Variants in USP15 observed in about 807,000 individuals in gnomAD.
The protein encoded by USP15 is ubiquitin specific peptidase 15.
A neutral mutation model predicts 127.1 loss-of-function variants in USP15; 18 were observed. That is an observed-to-expected ratio of 0.14 (90% CI 0.10 to 0.21). USP15 has a LOEUF of 0.21. Among genes scored for constraint, USP15 ranks in the 10% least tolerant of loss-of-function variants. The pLI, the probability that USP15 is intolerant of heterozygous loss-of-function variation, is 1.00. For missense variants in USP15, 805 were observed against 1,159.9 expected, an observed-to-expected ratio of 0.69 and a Z score of 4.44; for synonymous variants, 364 against 393.7, an observed-to-expected ratio of 0.92 and a Z score of 0.89.
intron 9 of USP15, among the ~76,000 whole-genome samples, chr12:62,383,354 C>T (rs1053704904): frequency 6.6e-6 from 1 of 151,910 alleles, no homozygotes; most frequent in Non-Finnish European, 1.5e-5. Flanking sequence ...GAGTCCTTAA[C>T]ATTGAACTCA....
chr12:62,356,613 C>G (rs1199410389), intron 8 of USP15, among the ~76,000 whole-genome samples: 2 of 151,962 alleles, frequency 1.3e-5, no homozygotes, highest in African/African-American at 4.8e-5. Context: ...GCCTATCTGC[C>G]TAAGCAGATA....
Position 62,260,474 on chromosome 12 carries a change from C to G in USP15, c.60C>G (p.Leu20=). ...DTQRSDIATL[L]KTSLRKGDTW... ...AGCGGTCTGACATCGCGACGCTGCT[C>G]AAAACCTCGCTCCGGAAAGGGGACA... Residue 20 remains leucine, a synonymous_variant, in exon 1 of 22, where the codon CTC becomes CTG. Transcript: ENST00000280377. The G allele has an allele frequency of 6.4e-7, 1 of 1,551,818 alleles. No homozygotes were observed. The highest frequency in any genetic ancestry group is 8.7e-7 in the Non-Finnish European group (1 of 1,147,430).
intron 7 of USP15, among the ~76,000 whole-genome samples, chr12:62,353,309 A>G (rs1038802159): frequency 1.3e-5 from 2 of 152,070 alleles, no homozygotes; most frequent in Non-Finnish European, 2.9e-5. Context: ...TTTTTTGTTC[A>G]GTTCTCAGTA....
At chr12:62,311,213 A>G (rs560287242) in intron 3 of USP15, among the ~76,000 whole-genome samples, 1 of 152,048 alleles carries the variant, frequency 6.6e-6, no homozygotes, top group South Asian at 2.1e-4. Context: ...TACAGGTCAA[A>G]ATACTTAGGA....
chr12:62,391,592 GTGTT>G (rs1340103996), intron 16 of USP15, among the ~76,000 whole-genome samples, 163 bp downstream of exon 16: 4 of 151,956 alleles, frequency 2.6e-5, no homozygotes, highest in Non-Finnish European at 4.4e-5. Context: ...ACTAAAATGT[GTGTT>G]TGTGTTTCAT....
chr12:62,276,576 A>G (rs1220406180), intron 1 of USP15, among the ~76,000 whole-genome samples: 2 of 152,040 alleles, frequency 1.3e-5, no homozygotes, highest in Non-Finnish European at 2.9e-5. Context: ...AAAATCATAT[A>G]TGAGATAACA....
chr12:62,396,451 G>C, intron 20 of USP15, 53 bp downstream of exon 20: 2 of 1,460,242 alleles, frequency 1.4e-6, no homozygotes, highest in African/African-American at 1.4e-5. Flanking sequence ...AAGAACTCCA[G>C]ACTTTTTTCT....
intron 1 of USP15, among the ~76,000 whole-genome samples, chr12:62,262,302 G>A (rs1207659132): frequency 2.6e-5 from 4 of 152,092 alleles, no homozygotes; most frequent in Non-Finnish European, 4.4e-5. Context: ...GGGGAAATTG[G>A]ACATTTCCTA....
chr12:62,374,307 C>G (rs11174449), intron 8 of USP15: 1 of 893,770 alleles, frequency 1.1e-6, no homozygotes, highest in Non-Finnish European at 1.3e-6. Flanking sequence ...GTGGTATTAC[C>G]TTTTGATTAG....
intron 1 of USP15, among the ~76,000 whole-genome samples, chr12:62,281,422 C>T (rs1461225794): frequency 6.6e-6 from 1 of 152,170 alleles, no homozygotes; most frequent in Non-Finnish European, 1.5e-5. Flanking sequence ...GTGCAACCTC[C>T]ACCTCCTGGG....
At chr12:62,314,454 T>C (rs1308332473) in intron 3 of USP15, among the ~76,000 whole-genome samples, 1 of 151,918 alleles carries the variant, frequency 6.6e-6, no homozygotes, top group East Asian at 1.9e-4. Context: ...ACATAGTCAT[T>C]TTGGGTAATC....
At chr12:62,277,427 A>G (rs1011688694) in intron 1 of USP15, 24 of 152,214 alleles carry the variant, frequency 1.6e-4, no homozygotes, top group Admixed American at 5.2e-4. Flanking sequence ...CAGTTTTAAT[A>G]TAATGTTAAG....
intron 1 of USP15, among the ~76,000 whole-genome samples, chr12:62,287,730 T>C (rs1462428666): frequency 6.6e-6 from 1 of 152,118 alleles, no homozygotes; most frequent in Admixed American, 6.5e-5. Flanking sequence ...CGTTAATTTT[T>C]GTTGTTGTTG....
At chr12:62,398,839 T>C (rs561015232) in intron 20 of USP15, among the ~76,000 whole-genome samples, 1 of 152,330 alleles carries the variant, frequency 6.6e-6, no homozygotes, top group African/African-American at 2.4e-5. Context: ...GTTCATTTTA[T>C]TCCTGAGAGG....
chr12:62,350,253 T>A (rs960309547), intron 7 of USP15, among the ~76,000 whole-genome samples: 1 of 151,978 alleles, frequency 6.6e-6, no homozygotes, highest in African/African-American at 2.4e-5. Flanking sequence ...TCTTTAAAAT[T>A]AAAACACCAA....
intron 1 of USP15, 125 bp downstream of exon 1, chr12:62,260,628 C>A: frequency 1.1e-6 from 1 of 893,612 alleles, no homozygotes; most frequent in Non-Finnish European, 1.7e-6. Flanking sequence ...GCCGGGGCAG[C>A]GGGATTTTGG....
At chr12:62,355,086 T>C (rs553554034) in intron 7 of USP15, 10 of 283,270 alleles carry the variant, frequency 3.5e-5, no homozygotes, top group East Asian at 6.1e-5. Context: ...TAGGAAGATA[T>C]AATAGTGCTT....
chr12:62,275,293 T>C (rs1165243625), intron 1 of USP15, among the ~76,000 whole-genome samples: 1 of 151,196 alleles, frequency 6.6e-6, no homozygotes, highest in Non-Finnish European at 1.5e-5. Flanking sequence ...ATATGAATTA[T>C]AGGAGAATAT....
At chr12:62,353,765 G>T (rs1025695640) in intron 7 of USP15, among the ~76,000 whole-genome samples, 1 of 151,952 alleles carries the variant, frequency 6.6e-6, no homozygotes, top group Non-Finnish European at 1.5e-5. Flanking sequence ...ACTTAAAATT[G>T]CTAATAGGCG....
Sources: allele counts gnomAD v4.1 joint callset (sites outside exome capture counted in the v4.1 genomes callset), GRCh38; gene constraint gnomAD v4.1.1; transcripts MANE v1.5; gene names NCBI Gene and HGNC (gene_info 2026-07-23, HGNC 2026-07-21).